NR6A1: variants seen among roughly 807,000 people sequenced by gnomAD.
The protein encoded by NR6A1 is nuclear receptor subfamily 6 group A member 1, also known as retinoic acid receptor-related testis-associated receptor.
In NR6A1, 7 loss-of-function variants were observed where a neutral mutation model predicts 59.1. That is an observed-to-expected ratio of 0.12 (90% confidence interval 0.07 to 0.22). The LOEUF (loss-of-function observed/expected upper bound fraction) is 0.22. Ranked by LOEUF, NR6A1 falls within the 10% of genes least tolerant of loss-of-function variation. NR6A1 has a pLI of 1.00. For missense variants in NR6A1, 468 were observed against 611.6 expected, an observed-to-expected ratio of 0.77 and a Z score of 2.48; for synonymous variants, 243 against 236.1, an observed-to-expected ratio of 1.03 and a Z score of -0.27.
At chr9:124,570,821 CAT>C (rs1175880110) in intron 2 of NR6A1, among the ~76,000 whole-genome samples, 3 of 152,100 alleles carry the variant, frequency 2.0e-5, no homozygotes, top group Non-Finnish European at 4.4e-5. Flanking sequence ...GCATTTCATT[CAT>C]AGATAGCTTG....
chr9:124,564,179 A>C (rs1467242962), intron 2 of NR6A1, among the ~76,000 whole-genome samples: 1 of 152,380 alleles, frequency 6.6e-6, no homozygotes, highest in African/African-American at 2.4e-5. Flanking sequence ...CAACATTATA[A>C]AACTTTTAGC....
At chr9:124,552,128 C>A (rs2131380155) in intron 3 of NR6A1, among the ~76,000 whole-genome samples, 1 of 152,272 alleles carries the variant, frequency 6.6e-6, no homozygotes, top group Non-Finnish European at 1.5e-5. Flanking sequence ...CACACTCCAG[C>A]TGAACAAGCA....
chr9:124,691,723 G>A (rs967631986), intron 2 of NR6A1, among the ~76,000 whole-genome samples: 3 of 152,162 alleles, frequency 2.0e-5, no homozygotes, highest in Non-Finnish European at 4.4e-5. Flanking sequence ...TTTTCAATAT[G>A]GAAAATAGCT....
At chr9:124,541,204 T>G (rs1437204007) in intron 4 of NR6A1, among the ~76,000 whole-genome samples, 1 of 151,802 alleles carries the variant, frequency 6.6e-6, no homozygotes, top group Non-Finnish European at 1.5e-5. Flanking sequence ...ACCTATGAAA[T>G]GGGAGAATAT....
chr9:124,706,514 T>A (rs976118377), intron 2 of NR6A1, among the ~76,000 whole-genome samples: 1 of 151,676 alleles, frequency 6.6e-6, no homozygotes, highest in African/African-American at 2.4e-5. Flanking sequence ...ACAGAACATT[T>A]AACAATTTTT....
chr9:124,613,179 T>C (rs1430354285), intron 2 of NR6A1, among the ~76,000 whole-genome samples: 1 of 147,906 alleles, frequency 6.8e-6, no homozygotes, highest in Non-Finnish European at 1.5e-5. Context: ...CTACAAAAAA[T>C]TTAAAATTTA....
At chr9:124,654,624 T>C (rs1837196039) in intron 2 of NR6A1, among the ~76,000 whole-genome samples, 1 of 152,050 alleles carries the variant, frequency 6.6e-6, no homozygotes, top group Non-Finnish European at 1.5e-5. Flanking sequence ...CATACTTTGG[T>C]TCCTCAGAGA....
Position 124,547,280 on chromosome 9 carries a change from GCTAA to G in NR6A1, c.386-3427_386-3424del, listed in dbSNP as rs539673842. Among the ~76,000 whole-genome samples, 90 of 152,206 alleles carry G rather than the reference GCTAA, an allele frequency of 5.9e-4. 1 individual carries two copies. The South Asian group carries it at 0.018, about 30-fold the overall frequency. ...AAACCCAGAAACCATAAATAACAAA[GCTAA>G]CTACATCAAAGCTCCACTCAAAACC... On this transcript the variant is annotated intron_variant, in intron 3 of 9. Transcript: ENST00000487099.
At chr9:124,570,320 G>A (rs975603045) in intron 2 of NR6A1, among the ~76,000 whole-genome samples, 2 of 152,124 alleles carry the variant, frequency 1.3e-5, no homozygotes, top group African/African-American at 2.4e-5. Flanking sequence ...TCTACTAGGC[G>A]TGTCCTTAAA....
intron 2 of NR6A1, among the ~76,000 whole-genome samples, chr9:124,687,291 A>ATTAATTATTTAC (rs59770058): frequency 1.4e-5 from 2 of 142,090 alleles, no homozygotes; most frequent in African/African-American, 5.4e-5. Flanking sequence ...CAGCTAATTA[A>ATTAATTATTTAC]TTATTTATTT....
At chr9:124,663,192 C>A (rs745655279) in intron 2 of NR6A1, among the ~76,000 whole-genome samples, 6 of 152,010 alleles carry the variant, frequency 3.9e-5, no homozygotes, top group Non-Finnish European at 8.8e-5. Flanking sequence ...TGGTCAAGAC[C>A]GAGTGCAACA....
intron 2 of NR6A1, among the ~76,000 whole-genome samples, chr9:124,709,821 G>A (rs1400855774): frequency 3.3e-5 from 5 of 151,898 alleles, no homozygotes; most frequent in African/African-American, 1.2e-4. Context: ...TATAACCCCA[G>A]CTACTCGGGA....
rs902245100 is a variant in NR6A1 at position 124,521,811 on chromosome 9, G to C, written c.*894C>G. On this transcript the variant is annotated 3_prime_UTR_variant, in exon 10 of 10. Transcript: ENST00000487099. ...GCCAATAGGAAGTCAAATGTGTAAG[G>C]GAGTGGGAAGGAGGAAGGTGGGCCT... The C allele has an allele frequency of 3.9e-5, 6 of 152,242 alleles. No homozygotes were observed. Among genetic ancestry groups the C allele is most frequent in the Non-Finnish European group, 7.3e-5 (5 of 68,118 alleles). 9.4% of individuals were successfully genotyped at this position (152,242 alleles called of 1,614,324 possible).
chr9:124,567,831 C>G (rs370576448), intron 2 of NR6A1, among the ~76,000 whole-genome samples: 1 of 101,342 alleles, frequency 9.9e-6, no homozygotes. Context: ...TAAAAATTTG[C>G]TTTTTTTTTT....
At chr9:124,553,168 G>A (rs1382663738) in intron 3 of NR6A1, among the ~76,000 whole-genome samples, 1 of 152,166 alleles carries the variant, frequency 6.6e-6, no homozygotes, top group Admixed American at 6.5e-5. Context: ...CTAAAAGCTA[G>A]TCTGTTTGCC....
intron 2 of NR6A1, among the ~76,000 whole-genome samples, chr9:124,642,811 T>G (rs1162010934): frequency 6.6e-6 from 1 of 152,034 alleles, no homozygotes; most frequent in Non-Finnish European, 1.5e-5. Flanking sequence ...GTGGAAGCCA[T>G]GAGAGAGGGA....
At chr9:124,743,667 C>T (rs1276973841) in intron 1 of NR6A1, among the ~76,000 whole-genome samples, 1 of 152,190 alleles carries the variant, frequency 6.6e-6, no homozygotes, top group Non-Finnish European at 1.5e-5. Context: ...AAGATTATGA[C>T]ATTTCAATTT....
chr9:124,664,438 G>T (rs944788988), intron 2 of NR6A1, among the ~76,000 whole-genome samples: 2 of 152,104 alleles, frequency 1.3e-5, no homozygotes, highest in Non-Finnish European at 2.9e-5. Flanking sequence ...TACCACTGGT[G>T]GTCCAAAGAA....
At chr9:124,649,636 A>G (rs1170157999) in intron 2 of NR6A1, among the ~76,000 whole-genome samples, 1 of 152,224 alleles carries the variant, frequency 6.6e-6, no homozygotes, top group Non-Finnish European at 1.5e-5. Flanking sequence ...GCTTCTGCAT[A>G]GCAAAGAAAA....
Sources: allele counts gnomAD v4.1 joint callset (sites outside exome capture counted in the v4.1 genomes callset), GRCh38; gene constraint gnomAD v4.1.1; transcripts MANE v1.5; gene names NCBI Gene and HGNC (gene_info 2026-07-23, HGNC 2026-07-21).